The following CEP120 variants were observed in gnomAD, a reference collection of about 807,000 sequenced individuals.
The protein encoded by CEP120 is centrosomal protein 120.
A neutral mutation model predicts 126.5 loss-of-function variants in CEP120; 113 were observed. The observed-to-expected ratio is 0.89, with a 90% CI of 0.77 to 1.04. The LOEUF is 1.04. Among genes scored for constraint, CEP120 ranks in the 50% least tolerant of loss-of-function variants. The pLI, the probability that CEP120 is intolerant of heterozygous loss-of-function variation, is 0.00. For missense variants in CEP120, 1,230 were observed against 1,155.7 expected, an observed-to-expected ratio of 1.06 and a Z score of -0.93; for synonymous variants, 400 against 394.3, an observed-to-expected ratio of 1.01 and a Z score of -0.17.
chr5:123,355,445 T>C (rs1236515771), intron 18 of CEP120, among the ~76,000 whole-genome samples: 2 of 152,086 alleles, frequency 1.3e-5, no homozygotes, highest in South Asian at 2.1e-4. Context: ...TCTCCAGCAC[T>C]TGTTGTTTCC....
chr5:123,412,835 T>C (rs1004453396), intron 3 of CEP120, among the ~76,000 whole-genome samples: 2 of 152,206 alleles, frequency 1.3e-5, no homozygotes, highest in African/African-American at 4.8e-5. Context: ...CCTTTCGTCT[T>C]ATACCCTCAA....
At chr5:123,410,919 AT>A (rs1774017266) in intron 4 of CEP120, among the ~76,000 whole-genome samples, 1 of 152,214 alleles carries the variant, frequency 6.6e-6, no homozygotes, top group Non-Finnish European at 1.5e-5. Flanking sequence ...GGGAAAACAT[AT>A]TTGTAAAATA....
chr5:123,415,863 G>A (rs935044626), intron 3 of CEP120, 147 bp downstream of exon 3: 14 of 521,134 alleles, frequency 2.7e-5, no homozygotes, highest in Admixed American at 2.4e-4. Flanking sequence ...CAGAGACTCC[G>A]TCTCAAAAAA....
chr5:123,382,325 T>TAAAAA (rs200376887), intron 13 of CEP120, 125 bp from the exon 14 acceptor site: 3 of 219,872 alleles, frequency 1.4e-5, no homozygotes, highest in African/African-American at 3.1e-5. Context: ...TTTTTTATTC[T>TAAAAA]AAAAAAAAAA....
At chr5:123,414,161 C>T (rs1774240992) in intron 3 of CEP120, among the ~76,000 whole-genome samples, 1 of 152,306 alleles carries the variant, frequency 6.6e-6, no homozygotes, top group Non-Finnish European at 1.5e-5. Flanking sequence ...AGATACCCCC[C>T]TAAGAGGATT....
rs752194725 is a variant in CEP120, at chr5:123,378,242, C to A, written c.2196+94G>T. ...AGCCCATCCTGAGTCCCTTCTCTCT[C>A]GGGACTCTTTTGCATCTAACTTTTA... is the stretch of plus-strand genomic sequence containing the variant. On this transcript the variant is annotated intron_variant, in intron 15 of 19. Coordinates refer to ENST00000306467, the MANE Select transcript of CEP120 (RefSeq NM_001375405.1). 6 of 877,796 alleles carry A rather than the reference C, an allele frequency of 6.8e-6. No individual in the cohort carries two copies. The African/African-American group carries it at 1.1e-4, about 16-fold the overall frequency. 54.4% of individuals were successfully genotyped at this position (877,796 alleles called of 1,614,324 possible).
chr5:123,383,260 T>G (rs1429596264), intron 11 of CEP120, among the ~76,000 whole-genome samples, 178 bp from the exon 12 acceptor site: 1 of 152,120 alleles, frequency 6.6e-6, no homozygotes, highest in Admixed American at 6.6e-5. Flanking sequence ...ATATATAAAT[T>G]GATCATCACA....
Position 123,372,683 on chromosome 5 carries a change from T to C in CEP120, c.2448A>G (p.Leu816=). The change falls in exon 17 of 20, where the codon CTA becomes CTG. Residue 816 remains leucine, a synonymous_variant. Transcript: ENST00000306467. ...DQQNNKPEIR[L]QSEINLLTLE... is the part of the protein sequence containing the mutation. The stretch of plus-strand genomic sequence containing the variant: ...AGGTGAGAAGATTTATTTCAGACTG[T>C]AGACGGATTTCTGGTTTGTTGTTTT... 1 of 1,612,318 alleles carries C rather than the reference T, an allele frequency of 6.2e-7. No homozygotes were observed. Among genetic ancestry groups the C allele is most frequent in the South Asian group, 1.1e-5 (1 of 90,934 alleles).
Position 123,346,517 on chromosome 5 carries a change from TATTA to T in CEP120, c.2959_*1del. 2 of 1,600,744 alleles carry T rather than the reference TATTA, an allele frequency of 1.2e-6. No homozygotes were observed. The highest frequency in any genetic ancestry group is 1.7e-6 in the Non-Finnish European group (2 of 1,171,408). On this transcript the variant is annotated stop_lost and 3_prime_UTR_variant, in exon 20 of 20. Transcript: ENST00000306467. The stretch of plus-strand genomic sequence containing the variant: ...GTCTCTATAAAGCTTTTCCAAATGT[TATTA>T]ATTACTGGCATTGCTTTTTGCCAAA...
chr5:123,368,132 T>C (rs1770599473), intron 17 of CEP120, among the ~76,000 whole-genome samples: 1 of 151,944 alleles, frequency 6.6e-6, no homozygotes, highest in South Asian at 2.1e-4. Context: ...TAATGATTTC[T>C]ATCCTTCTGA....
chr5:123,398,962 T>A (rs1369331655), intron 5 of CEP120, among the ~76,000 whole-genome samples, 174 bp downstream of exon 5: 10 of 152,194 alleles, frequency 6.6e-5, no homozygotes, highest in Non-Finnish European at 2.9e-5. Context: ...AAAATCTATT[T>A]TTTCTAAATT....
chr5:123,366,493 A>T (rs1181116389), intron 17 of CEP120, among the ~76,000 whole-genome samples: 4 of 151,578 alleles, frequency 2.6e-5, no homozygotes. Flanking sequence ...CCCTATTTCT[A>T]CTCTTGATAC....
At chr5:123,411,559 C>T (rs1290108010) in intron 4 of CEP120, among the ~76,000 whole-genome samples, 1 of 152,138 alleles carries the variant, frequency 6.6e-6, no homozygotes, top group Non-Finnish European at 1.5e-5. Context: ...CTTACATGCA[C>T]TTATGACTAA....
chr5:123,377,292 T>A, intron 16 of CEP120, 82 bp downstream of exon 16: 1 of 1,319,128 alleles, frequency 7.6e-7, no homozygotes, highest in South Asian at 1.3e-5. Context: ...TTTACCACTT[T>A]TTAGTAGTTA....
chr5:123,362,028 C>A (rs554785078), intron 18 of CEP120, among the ~76,000 whole-genome samples: 2 of 151,758 alleles, frequency 1.3e-5, no homozygotes, highest in East Asian at 3.9e-4. Flanking sequence ...TATCTTGTTA[C>A]CTTTCTACTA....
chr5:123,358,780 G>A (rs1215986369), intron 18 of CEP120, among the ~76,000 whole-genome samples: 1 of 152,036 alleles, frequency 6.6e-6, no homozygotes, highest in Admixed American at 6.6e-5. Context: ...AATCAAGTGA[G>A]TATAATCTTT....
chr5:123,378,281 A>G, intron 15 of CEP120, 55 bp downstream of exon 15: 1 of 1,306,416 alleles, frequency 7.7e-7, no homozygotes, highest in South Asian at 1.3e-5. Context: ...TAGTATTTCT[A>G]CTTTGCAATA....
chr5:123,390,925 A>T (rs1772350428), intron 7 of CEP120, 185 bp downstream of exon 7: 1 of 557,922 alleles, frequency 1.8e-6, no homozygotes, highest in Non-Finnish European at 3.1e-6. Context: ...CTCTGGGTAG[A>T]ATCACTTATA....
At position 123,412,611 on chromosome 5, in the gene CEP120, A is replaced by G. The variant is rs117232047; in HGVS notation, c.322-71T>C. On this transcript the variant is annotated intron_variant, in intron 3 of 19. Coordinates refer to ENST00000306467, the MANE Select transcript of CEP120 (RefSeq NM_001375405.1). ...AAAAACATATTGGGAAATGCTATAC[A>G]GTTCTAAATAAATTTATTGTAGCTT... 1,924 of 1,051,098 alleles carry G rather than the reference A, an allele frequency of 1.8e-3. 56 individuals carry two copies. In the East Asian group the frequency reaches 0.053, roughly 29 times the overall value. The allele number at this position is 1,051,098 out of a possible 1,614,324, so 65.1% of individuals were successfully genotyped here.
Sources: gnomAD v4.1 joint callset for allele counts (sites outside exome capture counted in the v4.1 genomes callset) on GRCh38, gnomAD v4.1.1 for gene constraint, MANE v1.5 for transcripts, NCBI Gene and HGNC (gene_info 2026-07-23, HGNC 2026-07-21) for gene names.